The following BCAT2 variants were observed in gnomAD, a reference collection of about 807,000 sequenced individuals.
BCAT2 encodes branched-chain-amino-acid aminotransferase, mitochondrial.
A neutral mutation model predicts 52.9 loss-of-function variants in BCAT2; 44 were observed. The observed-to-expected ratio is 0.83, with a 90% confidence interval of 0.65 to 1.07. The LOEUF (loss-of-function observed/expected upper bound fraction) is 1.07, where lower values mean the gene tolerates loss of function less well. Among genes scored for constraint, BCAT2 ranks in the 50% least tolerant of loss-of-function variants. The probability of loss-of-function intolerance (pLI) is 0.00; values close to 1 mark genes in which losing one functional copy is unlikely to be tolerated. For missense variants in BCAT2, 478 were observed against 521.8 expected, an observed-to-expected ratio of 0.92 and a Z score of 0.82; for synonymous variants, 215 against 217.1, an observed-to-expected ratio of 0.99 and a Z score of 0.08.
intron 10 of BCAT2, chr19:48,795,941 G>T: frequency 3.9e-6 from 1 of 255,604 alleles, no homozygotes; most frequent in South Asian, 8.2e-5. Context: ...AGCTTTCTCC[G>T]GCCAAAGGGA....
chr19:48,807,003 G>A lies in BCAT2; in HGVS notation c.96C>T (p.Phe32=). 2.5e-6 allele frequency: 4 copies of A among 1,613,572 alleles called. No homozygotes were observed. Among genetic ancestry groups the A allele is most frequent in the Non-Finnish European group, 3.4e-6 (4 of 1,179,688 alleles). The part of the protein sequence containing the change: ...CGPRRYASSS[F]KAADLQLEMT... ...GCATCGAGTTCCCTCCTTTCACCTT[G>A]AAACTGGAGGAGGCATATCTTCTGG... Residue 32 remains phenylalanine (F), a synonymous_variant, in exon 2 of 11, where the codon TTC becomes TTT. Coordinates refer to ENST00000316273, the MANE Select transcript of BCAT2 (RefSeq NM_001190.4). The surrounding 1 kb of genome is among the most constrained non-coding windows in gnomAD (Gnocchi z 4.6).
chr19:48,799,893 C>CCCCAGG lies in BCAT2; in HGVS notation c.532-61_532-56dup. 6.3e-7 allele frequency: 1 copy of CCCCAGG among 1,589,510 alleles called. No individual in the cohort carries two copies. Among genetic ancestry groups the CCCCAGG allele is most frequent in the Non-Finnish European group, 8.6e-7 (1 of 1,168,862 alleles). ...GTCCAGGCCCCCAGTCCCTTCCCGT[C>CCCCAGG]CCCAGGCCCAGGCCTCCAGGACCCC... On this transcript the variant is annotated intron_variant, in intron 5 of 10. Coordinates refer to ENST00000316273, the MANE Select transcript of BCAT2 (RefSeq NM_001190.4). This position sits in a 1 kb window ranked among gnomAD's most constrained non-coding sequence, Gnocchi z 5.5.
intron 1 of BCAT2, among the ~76,000 whole-genome samples, chr19:48,809,111 C>T (rs1017416700): frequency 7.9e-6 from 1 of 127,110 alleles, no homozygotes; most frequent in Admixed American, 8.9e-5. Context: ...AGCATGGTGG[C>T]TCATGCCTGT....
At position 48,796,828 on chromosome 19, in the gene BCAT2, C is replaced by T. The variant is rs533772877; in HGVS notation, c.924+109G>A. 373 of 1,592,952 alleles carry T rather than the reference C, an allele frequency of 2.3e-4. 1 individual carries two copies. The African/African-American group carries it at 4.5e-3, about 19-fold the overall frequency. Reference sequence around the variant, plus strand: ...AAAGACAGAGGCCCAACGGGAGAGACAGACCCAGGAGAAGGGGCAGAGACA... The same window carrying T: ...AAAGACAGAGGCCCAACGGGAGAGATAGACCCAGGAGAAGGGGCAGAGACA... On this transcript the variant is annotated intron_variant, in intron 8 of 10. Transcript: ENST00000316273.
intron 1 of BCAT2, among the ~76,000 whole-genome samples, chr19:48,809,101 A>G (rs1170770756): frequency 1.5e-5 from 2 of 131,902 alleles, no homozygotes; most frequent in African/African-American, 5.6e-5. Flanking sequence ...AAAAAAGACC[A>G]GCATGGTGGC....
In BCAT2 at chr19:48,796,925, C is replaced by T; in HGVS notation, c.924+12G>A. The T allele has an allele frequency of 6.2e-7, 1 of 1,613,926 alleles. No homozygotes were observed. Among genetic ancestry groups the T allele is most frequent in the Non-Finnish European group, 8.5e-7 (1 of 1,179,812 alleles). On this transcript the variant is annotated intron_variant, in intron 8 of 10. Coordinates refer to ENST00000316273, the MANE Select transcript of BCAT2 (RefSeq NM_001190.4). ...ACATGGCGCCCATCACCAGAAGATG[C>T]CATGTCCTCACCCAGGTCTGAGCCA...
rs1413328608 is a variant in BCAT2 at position 48,807,438 on chromosome 19, C to T, written c.25-364G>A. 2 of 209,890 alleles carry T rather than the reference C, an allele frequency of 9.5e-6. No individual in the cohort carries two copies. Among genetic ancestry groups the T allele is most frequent in the Non-Finnish European group, 1.9e-5 (2 of 103,488 alleles). The allele number at this position is 209,890 out of a possible 1,614,324, so 13.0% of individuals were successfully genotyped here. A position where few individuals can be genotyped will look rare whatever the true frequency, so the allele number is the denominator to read the frequency against. On this transcript the variant is annotated intron_variant, in intron 1 of 10. Coordinates refer to ENST00000316273, the MANE Select transcript of BCAT2 (RefSeq NM_001190.4). This position sits in a 1 kb window ranked among gnomAD's most constrained non-coding sequence, Gnocchi z 4.6. The stretch of plus-strand genomic sequence containing the variant: ...TCCGGGTACCCAAGTGCTGACAGGC[C>T]TTAGAAGACCAAGGACCGACAGGTC...
chr19:48,795,149 C>T lies in BCAT2; in HGVS notation c.*277G>A, dbSNP rs2034468079. ...CAGCACCAGGGGTCTGGCCTGAGAACGGAGAGATCCGGAATCGGGGCCAAG... is the reference window on the plus strand; with the variant it reads ...CAGCACCAGGGGTCTGGCCTGAGAATGGAGAGATCCGGAATCGGGGCCAAG... On this transcript the variant is annotated 3_prime_UTR_variant, in exon 11 of 11. Transcript: ENST00000316273. The T allele has an allele frequency of 3.7e-6, 2 of 539,624 alleles. No individual in the cohort carries two copies. Among genetic ancestry groups the T allele is most frequent in the South Asian group, 2.3e-5 (1 of 42,676 alleles). The allele number at this position is 539,624 out of a possible 1,614,324, so 33.4% of individuals were successfully genotyped here.
intron 10 of BCAT2, chr19:48,795,785 G>C (rs190502233): frequency 2.4e-6 from 1 of 411,976 alleles, no homozygotes; most frequent in Non-Finnish European, 4.4e-6. Context: ...AAAGTTTACA[G>C]AAATGTAGCT....
chr19:48,810,089 G>A (rs1247174169), intron 1 of BCAT2, among the ~76,000 whole-genome samples: 15 of 152,104 alleles, frequency 9.9e-5, no homozygotes, highest in Admixed American at 9.8e-4. Flanking sequence ...CACAGTCCAG[G>A]AGTGTCACCA....
chr19:48,803,634 G>A (rs1257434578), intron 3 of BCAT2, among the ~76,000 whole-genome samples: 1 of 152,122 alleles, frequency 6.6e-6, no homozygotes, highest in African/African-American at 2.4e-5. Flanking sequence ...GATCACTTGA[G>A]CTCAGGAGTT....
intron 1 of BCAT2, among the ~76,000 whole-genome samples, chr19:48,810,158 A>G (rs2034887540): frequency 6.6e-6 from 1 of 152,224 alleles, no homozygotes; most frequent in Non-Finnish European, 1.5e-5. Flanking sequence ...ATCAGTCACT[A>G]AGAGCCGAAA....
chr19:48,804,966 GAGGGGAAAAAACAAAAC>G (rs994307744), intron 3 of BCAT2, among the ~76,000 whole-genome samples: 1 of 151,936 alleles, frequency 6.6e-6, no homozygotes, highest in African/African-American at 2.4e-5. Context: ...TGGGAGGGGA[GAGGGGAAAAAACAAAAC>G]CTTAAAATTC....
chr19:48,800,264 C>G lies in BCAT2; in HGVS notation c.334G>C (p.Asp112His). Reference protein sequence around the residue: ...FEGMKAFKGKDQQVRLFRPWL... With the variant: ...FEGMKAFKGKHQQVRLFRPWL... ...GGGCGGAAGAGGCGCACCTGCTGGT[C>G]TTTGCCTTTGAACGCCTTCATGCCC... Residue 112 changes from aspartate (D) to histidine (H), a missense_variant, in exon 4 of 11, where the codon GAC becomes CAC. By Grantham distance (81) the Asp-to-His change is moderately conservative. Coordinates refer to ENST00000316273, the MANE Select transcript of BCAT2 (RefSeq NM_001190.4). The G allele has an allele frequency of 6.2e-7, 1 of 1,613,842 alleles. No individual in the cohort carries two copies. Among genetic ancestry groups the G allele is most frequent in the Non-Finnish European group, 8.5e-7 (1 of 1,180,032 alleles).
rs777171215 is a variant in BCAT2 at position 48,806,956 on chromosome 19, C to A, written c.99+44G>T. On this transcript the variant is annotated intron_variant, in intron 2 of 10. Coordinates refer to ENST00000316273, the MANE Select transcript of BCAT2 (RefSeq NM_001190.4). Reference sequence around the variant, plus strand: ...GGAGATGCCCAAAACCAGCTGCCAGCCCCCTCCTCTCTCAGAGCCAAGCAT... The same window carrying A: ...GGAGATGCCCAAAACCAGCTGCCAGACCCCTCCTCTCTCAGAGCCAAGCAT... The A allele has an allele frequency of 9.4e-6, 15 of 1,596,746 alleles. No homozygotes were observed. The East Asian group carries it at 3.1e-4, about 33-fold the overall frequency.
At chr19:48,806,869 G>T in intron 2 of BCAT2, 131 bp downstream of exon 2, 1 of 1,380,874 alleles carries the variant, frequency 7.2e-7, no homozygotes, top group Non-Finnish European at 1.0e-6. Context: ...CCTTGTCTGC[G>T]GCCCAATGGC....
At chr19:48,808,202 C>T (rs1369448765) in intron 1 of BCAT2, 37 of 986,114 alleles carry the variant, frequency 3.8e-5, no homozygotes, top group South Asian at 4.7e-5. Context: ...CTTTGGGTGG[C>T]GACATCTAGA....
intron 3 of BCAT2, among the ~76,000 whole-genome samples, chr19:48,801,069 C>A (rs1303422962): frequency 1.3e-5 from 2 of 152,050 alleles, no homozygotes; most frequent in Non-Finnish European, 2.9e-5. Context: ...CTGATTGCAA[C>A]CTCCGCCTCC....
chr19:48,800,374 G>T, intron 3 of BCAT2, 77 bp from the exon 4 acceptor site: 2 of 1,289,382 alleles, frequency 1.6e-6, no homozygotes, highest in Non-Finnish European at 2.2e-6. Context: ...GACAGAGACA[G>T]ATACACAAAG....
Sources: allele counts gnomAD v4.1 joint callset (sites outside exome capture counted in the v4.1 genomes callset), GRCh38; gene constraint gnomAD v4.1.1; non-coding constraint Gnocchi (gnomAD v3.1); transcripts MANE v1.5; gene names NCBI Gene and HGNC (gene_info 2026-07-23, HGNC 2026-07-21).